The following CCDC30 variants were observed in gnomAD, a reference collection of about 807,000 sequenced individuals.
CCDC30 encodes coiled-coil domain-containing protein 30.
In CCDC30, 70 loss-of-function variants were observed where a neutral mutation model predicts 100.2. That is an observed-to-expected ratio of 0.70 (90% CI 0.58 to 0.85). CCDC30 has a LOEUF of 0.85. CCDC30 is among the 40% of genes least tolerant of loss of function. CCDC30 has a pLI of 0.00. For missense variants in CCDC30, 652 were observed against 771.2 expected, an observed-to-expected ratio of 0.85 and a Z score of 1.83; for synonymous variants, 233 against 269.5, an observed-to-expected ratio of 0.86 and a Z score of 1.33.
intron 15 of CCDC30, among the ~76,000 whole-genome samples, chr1:42,649,714 A>G (rs1418091840): frequency 6.6e-6 from 1 of 152,212 alleles, no homozygotes; most frequent in African/African-American, 2.4e-5. Context: ...TGTTAGAACT[A>G]AGAAGCAAAT....
chr1:42,492,129 T>C (rs1644153513), intron 4 of CCDC30: 5 of 273,706 alleles, frequency 1.8e-5, no homozygotes, highest in Middle Eastern at 2.2e-3. Context: ...CGATGGTTAT[T>C]TGTTTCATCT....
exon 14 of CCDC30, chr1:42,644,794 T>C: frequency 1.2e-6 from 2 of 1,608,592 alleles, no homozygotes; most frequent in Non-Finnish European, 1.7e-6. Context: ...AGCATCCATA[T>C]TCGCAGAGGA....
At chr1:42,652,331 G>C (rs537635320) in intron 15 of CCDC30, among the ~76,000 whole-genome samples, 1 of 152,274 alleles carries the variant, frequency 6.6e-6, no homozygotes, top group South Asian at 2.1e-4. Context: ...GAGGCAATGG[G>C]GAGATGTTGG....
intron 15 of CCDC30, among the ~76,000 whole-genome samples, chr1:42,651,997 C>T (rs1648391473): frequency 6.6e-6 from 1 of 152,002 alleles, no homozygotes. Flanking sequence ...GTTTCCCCAA[C>T]AAAGTGAAAA....
intron 6 of CCDC30, among the ~76,000 whole-genome samples, chr1:42,535,730 A>ATATATATATTATAT (rs1220928057): frequency 3.4e-5 from 4 of 118,452 alleles, no homozygotes; most frequent in Non-Finnish European, 6.8e-5. Flanking sequence ...AATTTTAAAA[A>ATATATATATTATAT]ATTAAAAAAA....
chr1:42,542,424 G>A (rs866758549), intron 6 of CCDC30, among the ~76,000 whole-genome samples: 16 of 151,564 alleles, frequency 1.1e-4, no homozygotes, highest in African/African-American at 2.9e-4. Flanking sequence ...GGAATGCAGC[G>A]GCAAGATCAT....
At chr1:42,627,337 G>A (rs980148643) in intron 11 of CCDC30, among the ~76,000 whole-genome samples, 3 of 152,166 alleles carry the variant, frequency 2.0e-5, no homozygotes, top group African/African-American at 7.2e-5. Context: ...CTTGGGTGCT[G>A]TTAAAAGCAT....
At chr1:42,509,052 G>A (rs988798926) in intron 6 of CCDC30, among the ~76,000 whole-genome samples, 5 of 152,228 alleles carry the variant, frequency 3.3e-5, no homozygotes, top group South Asian at 4.1e-4. Flanking sequence ...CCTAAATTAG[G>A]TTATGACTTA....
intron 15 of CCDC30, 59 bp downstream of exon 19, chr1:42,646,376 A>C: frequency 7.5e-7 from 1 of 1,336,464 alleles, no homozygotes; most frequent in Non-Finnish European, 9.6e-7. Context: ...CCAGGCACCC[A>C]CTGTTTGGAA....
chr1:42,583,387 A>G (rs908502805), intron 9 of CCDC30, among the ~76,000 whole-genome samples: 1 of 152,218 alleles, frequency 6.6e-6, no homozygotes, highest in Non-Finnish European at 1.5e-5. Context: ...GTAGGAAAAT[A>G]AAATATATAG....
At chr1:42,525,514 T>A in intron 6 of CCDC30, among the ~76,000 whole-genome samples, 1 of 152,194 alleles carries the variant, frequency 6.6e-6, no homozygotes, top group African/African-American at 2.4e-5. Flanking sequence ...ATTCATTAGG[T>A]CTCTTAAAAA....
intron 6 of CCDC30, chr1:42,558,209 A>G: frequency 4.5e-6 from 1 of 220,472 alleles, no homozygotes; most frequent in Non-Finnish European, 1.0e-5. Flanking sequence ...AAAGAAGCTA[A>G]AACTTTTGGG....
At chr1:42,537,643 C>T in intron 6 of CCDC30, 1 of 199,622 alleles carries the variant, frequency 5.0e-6, no homozygotes, top group African/African-American at 2.4e-5. Context: ...AATCAGTGCA[C>T]ATCCTGTGTC....
intron 1 of CCDC30, among the ~76,000 whole-genome samples, chr1:42,477,855 T>A (rs1643901007): frequency 6.6e-6 from 1 of 152,118 alleles, no homozygotes; most frequent in Non-Finnish European, 1.5e-5. Context: ...CAAAGGAGAT[T>A]GCATTGAGTT....
At chr1:42,542,114 A>C (rs1271201035) in intron 6 of CCDC30, among the ~76,000 whole-genome samples, 1 of 152,230 alleles carries the variant, frequency 6.6e-6, no homozygotes, top group Admixed American at 6.5e-5. Context: ...TATATCACTA[A>C]GATACAATTT....
chr1:42,504,957 T>C (rs1238703211), intron 6 of CCDC30, among the ~76,000 whole-genome samples: 1 of 152,202 alleles, frequency 6.6e-6, no homozygotes, highest in African/African-American at 2.4e-5. Context: ...AACCTTCATG[T>C]TTACCTCTTG....
chr1:42,501,811 T>C (rs1644317270), intron 6 of CCDC30, among the ~76,000 whole-genome samples: 1 of 152,202 alleles, frequency 6.6e-6, no homozygotes, highest in South Asian at 2.1e-4. Context: ...ATCCTTCCTC[T>C]GGAAGCTTTG....
chr1:42,655,836 G>A (rs6688151), downstream of CCDC30, among the ~76,000 whole-genome samples: 10,385 of 138,846 alleles, frequency 0.075, 647 homozygotes, highest in African/African-American at 0.17. Context: ...TAAATTAAAC[G>A]TTCTCTTGTT....
At chr1:42,456,565 G>A in the CCDC30 span, 3 of 1,475,130 alleles carry the variant, frequency 2.0e-6, no homozygotes, top group Non-Finnish European at 1.8e-6. Context: ...CTGCGCTGCA[G>A]ATGGCGGAAA....
Sources: gnomAD v4.1 joint callset for allele counts (sites outside exome capture counted in the v4.1 genomes callset) on GRCh38, gnomAD v4.1.1 for gene constraint, MANE v1.5 for transcripts, NCBI Gene and HGNC (gene_info 2026-07-23, HGNC 2026-07-21) for gene names.